UBAP1: variants seen among roughly 807,000 people sequenced by gnomAD.
UBAP1 encodes the protein ubiquitin associated protein 1.
UBAP1 carries 5 observed loss-of-function variants against 39.0 expected under a neutral mutation model. The observed-to-expected ratio is 0.13, with a 90% CI of 0.07 to 0.27. The LOEUF (loss-of-function observed/expected upper bound fraction) is 0.27. Ranked by LOEUF, UBAP1 falls within the 10% of genes least tolerant of loss-of-function variation. The pLI, the probability that UBAP1 is intolerant of heterozygous loss-of-function variation, is 1.00. For synonymous variants in UBAP1, 211 were observed against 225.1 expected, an observed-to-expected ratio of 0.94 and a Z score of 0.56; for missense variants, 490 against 608.1, an observed-to-expected ratio of 0.81 and a Z score of 2.04.
At chr9:34,197,169 G>A (rs550434971) in intron 1 of UBAP1, among the ~76,000 whole-genome samples, 33 of 152,124 alleles carry the variant, frequency 2.2e-4, no homozygotes, top group African/African-American at 6.5e-4. Context: ...CTTGTGATCC[G>A]CTTGCCTTGG....
At chr9:34,199,783 G>A (rs925920126) in intron 1 of UBAP1, among the ~76,000 whole-genome samples, 3 of 150,178 alleles carry the variant, frequency 2.0e-5, no homozygotes, top group African/African-American at 4.9e-5. Flanking sequence ...CTACAGGCAC[G>A]TGCCACCATG....
At chr9:34,229,260 CTTT>C (rs1263815683) in intron 2 of UBAP1, among the ~76,000 whole-genome samples, 3 of 141,426 alleles carry the variant, frequency 2.1e-5, no homozygotes, top group African/African-American at 2.6e-5. Flanking sequence ...GGATTTTTAT[CTTT>C]TTTTTTTTTT....
At chr9:34,227,258 C>T (rs989149652) in intron 2 of UBAP1, among the ~76,000 whole-genome samples, 5 of 151,892 alleles carry the variant, frequency 3.3e-5, no homozygotes, top group African/African-American at 1.2e-4. Flanking sequence ...ATGATTTTGC[C>T]AGTGTTACCT....
At chr9:34,199,727 C>G (rs1245663607) in intron 1 of UBAP1, among the ~76,000 whole-genome samples, 1 of 151,726 alleles carries the variant, frequency 6.6e-6, no homozygotes, top group East Asian at 1.9e-4. Flanking sequence ...CTTGACTACC[C>G]CTGGCTCAGG....
intron 2 of UBAP1, among the ~76,000 whole-genome samples, chr9:34,230,329 G>T (rs1469718752): frequency 3.3e-5 from 5 of 152,194 alleles, no homozygotes; most frequent in African/African-American, 1.2e-4. Flanking sequence ...CTCTCAAATT[G>T]CTGGGATTAC....
At chr9:34,210,671 G>C (rs1006407943) in intron 1 of UBAP1, among the ~76,000 whole-genome samples, 2 of 151,010 alleles carry the variant, frequency 1.3e-5, no homozygotes, top group African/African-American at 4.9e-5. Flanking sequence ...AGTGAGCCGA[G>C]ATTGTGTCAC....
At chr9:34,212,027 A>G (rs1042312369) in intron 1 of UBAP1, 7 of 426,612 alleles carry the variant, frequency 1.6e-5, no homozygotes, top group African/African-American at 6.1e-5. Context: ...GTTCCAATCC[A>G]TACCACCAGC....
At chr9:34,215,420 A>C (rs548001714) in intron 1 of UBAP1, among the ~76,000 whole-genome samples, 1 of 152,066 alleles carries the variant, frequency 6.6e-6, no homozygotes, top group East Asian at 1.9e-4. Flanking sequence ...GTTCTAAGTA[A>C]AGTAACTCAG....
chr9:34,188,788 C>G (rs534861504), intron 1 of UBAP1, among the ~76,000 whole-genome samples: 1 of 152,118 alleles, frequency 6.6e-6, no homozygotes, highest in South Asian at 2.1e-4. Flanking sequence ...GAAACCCTGT[C>G]TCTCCTAAAA....
intron 2 of UBAP1, among the ~76,000 whole-genome samples, chr9:34,229,126 A>G (rs979640692): frequency 4.6e-5 from 7 of 152,106 alleles, no homozygotes; most frequent in African/African-American, 1.4e-4. Flanking sequence ...AAGGTATTCT[A>G]CCTCATCTTT....
At position 34,251,704 on chromosome 9, in the gene UBAP1, G is replaced by A; in HGVS notation, c.*172G>A. The A allele has an allele frequency of 2.8e-6, 2 of 721,018 alleles. No homozygotes were observed. The highest frequency in any genetic ancestry group is 4.4e-6 in the Non-Finnish European group (2 of 451,016). The allele number at this position is 721,018 out of a possible 1,614,324, so 44.7% of individuals were successfully genotyped here. ...TGAGCCTAGGCCCTGAGCTGGGGAG[G>A]TGGGGAAGATTCGGGCATGTGAGTG... On this transcript the variant is annotated 3_prime_UTR_variant, in exon 7 of 7. Coordinates refer to ENST00000297661, the MANE Select transcript of UBAP1 (RefSeq NM_016525.5).
At chr9:34,244,314 G>C (rs952460275) in intron 4 of UBAP1, among the ~76,000 whole-genome samples, 3 of 148,158 alleles carry the variant, frequency 2.0e-5, no homozygotes, top group African/African-American at 7.5e-5. Context: ...TCTATGCCTG[G>C]CTTATTTCAC....
chr9:34,235,120 G>T (rs544973520), intron 3 of UBAP1, among the ~76,000 whole-genome samples: 2 of 151,998 alleles, frequency 1.3e-5, no homozygotes, highest in East Asian at 3.9e-4. Context: ...AGATCAAAAA[G>T]CTTATAGAAT....
intron 1 of UBAP1, among the ~76,000 whole-genome samples, chr9:34,183,438 G>A (rs1183053647): frequency 6.6e-6 from 1 of 151,454 alleles, no homozygotes; most frequent in African/African-American, 2.4e-5. Context: ...CCAGCTACTC[G>A]GGAGGCTGAG....
chr9:34,213,329 G>T (rs1023976353), intron 1 of UBAP1, among the ~76,000 whole-genome samples: 8 of 152,044 alleles, frequency 5.3e-5, no homozygotes, highest in African/African-American at 1.9e-4. Flanking sequence ...TGGCCAACAT[G>T]GTGAAACCCC....
intron 3 of UBAP1, among the ~76,000 whole-genome samples, chr9:34,240,137 G>A (rs1563919264): frequency 6.6e-6 from 1 of 152,186 alleles, no homozygotes. Context: ...CAGAGTCATT[G>A]CCACTGCTCT....
intron 1 of UBAP1, among the ~76,000 whole-genome samples, chr9:34,217,402 A>AATTTTTGT (rs1257030137): frequency 2.6e-5 from 4 of 152,022 alleles, no homozygotes; most frequent in African/African-American, 9.6e-5. Flanking sequence ...ATGCCCGGCT[A>AATTTTTGT]ATTTTTGTAT....
chr9:34,215,325 T>C (rs1416802714), intron 1 of UBAP1, among the ~76,000 whole-genome samples: 2 of 138,944 alleles, frequency 1.4e-5, no homozygotes, highest in Non-Finnish European at 3.1e-5. Context: ...ATATGTGTCA[T>C]ATATATATAT....
chr9:34,231,607 C>T (rs916175358), intron 2 of UBAP1, among the ~76,000 whole-genome samples: 2 of 151,880 alleles, frequency 1.3e-5, no homozygotes, highest in Non-Finnish European at 2.9e-5. Flanking sequence ...AACATTTCTC[C>T]CCTGTTAAGG....
Sources: allele counts gnomAD v4.1 joint callset (sites outside exome capture counted in the v4.1 genomes callset), GRCh38; gene constraint gnomAD v4.1.1; transcripts MANE v1.5; gene names NCBI Gene and HGNC (gene_info 2026-07-23, HGNC 2026-07-21).